The following RGPD2 variants were observed in gnomAD, a reference collection of about 807,000 sequenced individuals.
RGPD2 encodes the protein RANBP2 like and GRIP domain containing 2.
RGPD2 carries 2 observed loss-of-function variants against 36.0 expected under a neutral mutation model. That is an observed-to-expected ratio of 0.06 (90% CI 0.02 to 0.17). RGPD2 has a LOEUF of 0.17. RGPD2 is among the 10% of genes least tolerant of loss of function. RGPD2 has a pLI of 1.00. For missense variants in RGPD2, 40 were observed against 464.3 expected (o/e 0.09, Z 8.40); for synonymous variants, 19 against 163.8 (o/e 0.12, Z 6.75).
the RGPD2 span, among the ~76,000 whole-genome samples, chr2:87,964,815 A>T: frequency 1.5e-4 from 12 of 77,896 alleles, no homozygotes; most frequent in Middle Eastern, 6.8e-3. Context: ...TTATTTATTT[A>T]TTTTTCTTTT....
chr2:87,939,665 T>C, the RGPD2 span, among the ~76,000 whole-genome samples: 3 of 151,912 alleles, frequency 2.0e-5, no homozygotes, highest in South Asian at 2.1e-4. Flanking sequence ...CAATCTAATA[T>C]GACAGCGTAT....
chr2:87,921,805 A>G, the RGPD2 span, among the ~76,000 whole-genome samples: 3 of 152,170 alleles, frequency 2.0e-5, no homozygotes, highest in Admixed American at 2.0e-4. Context: ...GGGAGAATCT[A>G]GATGTAAAAT....
the RGPD2 span, chr2:87,972,702 C>G: frequency 1.3e-6 from 2 of 1,591,004 alleles, no homozygotes; most frequent in Non-Finnish European, 1.7e-6. Context: ...GCCTGGGGGG[C>G]ACTTCGGGCG....
At chr2:87,830,391 T>C (rs1317232702), upstream of RGPD2, among the ~76,000 whole-genome samples, 1 of 152,190 alleles carries the variant, frequency 6.6e-6, no homozygotes, top group East Asian at 1.9e-4. Context: ...CTGGATTTTA[T>C]TGTTCATTTC....
chr2:87,841,306 C>T, the RGPD2 span, among the ~76,000 whole-genome samples: 2 of 151,966 alleles, frequency 1.3e-5, no homozygotes, highest in African/African-American at 2.4e-5. Flanking sequence ...CCCTTGAGGC[C>T]GACTCTGAAG....
chr2:87,809,278 C>A (rs1329263164), intron 6 of RGPD2, among the ~76,000 whole-genome samples: 2 of 150,974 alleles, frequency 1.3e-5, no homozygotes, highest in African/African-American at 4.9e-5. Context: ...GCACTCCAGC[C>A]TGGGCAACAG....
At chr2:87,763,416 C>T (rs1366081156) in intron 22 of RGPD2, among the ~76,000 whole-genome samples, 1 of 139,952 alleles carries the variant, frequency 7.1e-6, no homozygotes, top group Admixed American at 7.2e-5. Flanking sequence ...CTCAGCCTCC[C>T]AAAGTGCTGG....
the RGPD2 span, among the ~76,000 whole-genome samples, chr2:87,942,545 G>A: frequency 6.7e-6 from 1 of 149,624 alleles, no homozygotes; most frequent in Non-Finnish European, 1.5e-5. Context: ...TGTATACAAT[G>A]TGTAATGATC....
Position 87,825,782 on chromosome 2 carries a change from G to A in RGPD2, c.-53C>T, listed in dbSNP as rs1686785286. 1.1e-5 allele frequency: 17 copies of A among 1,515,458 alleles called. No homozygotes were observed. The highest frequency in any genetic ancestry group is 1.8e-6 in the Non-Finnish European group (2 of 1,128,488). The allele number at this position is 1,515,458 out of a possible 1,614,324, so 93.9% of individuals were successfully genotyped here. On this transcript the variant is annotated 5_prime_UTR_variant, in exon 1 of 23. Coordinates refer to ENST00000398146, the MANE Select transcript of RGPD2 (RefSeq NM_001078170.3). ...CGTGAAACCAGCGCTCAGCCCCGCAGCAGTCGCCAATTCCAACAGGAAAGC... is the reference window on the plus strand; with the variant it reads ...CGTGAAACCAGCGCTCAGCCCCGCAACAGTCGCCAATTCCAACAGGAAAGC...
intron 7 of RGPD2, among the ~76,000 whole-genome samples, chr2:87,805,451 TCCCTCCCCAA>T: frequency 8.4e-6 from 1 of 119,254 alleles, no homozygotes; most frequent in Non-Finnish European, 1.8e-5. Context: ...TCCTTTTTTT[TCCCTCCCCAA>T]GCAAAAAATC....
At chr2:87,840,434 GT>G in the RGPD2 span, among the ~76,000 whole-genome samples, 1 of 150,700 alleles carries the variant, frequency 6.6e-6, no homozygotes, top group East Asian at 2.0e-4. Flanking sequence ...TAGCTGCACA[GT>G]TTGTGGTAAT....
At chr2:87,852,312 G>GTTTTTTT in the RGPD2 span, among the ~76,000 whole-genome samples, 1 of 129,374 alleles carries the variant, frequency 7.7e-6, no homozygotes. Flanking sequence ...TTTTGCAGTA[G>GTTTTTTT]TTGTGAGCAT....
At chr2:87,769,489 T>C (rs1685057747) in intron 22 of RGPD2, among the ~76,000 whole-genome samples, 1 of 149,012 alleles carries the variant, frequency 6.7e-6, no homozygotes, top group African/African-American at 2.4e-5. Flanking sequence ...GTGTATCTCC[T>C]CTATGAAATT....
the RGPD2 span, among the ~76,000 whole-genome samples, chr2:87,961,272 G>T: frequency 5.3e-5 from 8 of 152,268 alleles, no homozygotes; most frequent in African/African-American, 1.4e-4. Flanking sequence ...AGAGGAAAGC[G>T]CCTGAAAGCC....
At chr2:87,930,264 C>CT in the RGPD2 span, among the ~76,000 whole-genome samples, 1 of 136,916 alleles carries the variant, frequency 7.3e-6, no homozygotes, top group African/African-American at 2.8e-5. Context: ...TTTATTGAGA[C>CT]TTTTTAACAT....
the RGPD2 span, among the ~76,000 whole-genome samples, chr2:87,852,533 A>T: frequency 1.3e-5 from 2 of 152,224 alleles, no homozygotes; most frequent in African/African-American, 2.4e-5. Flanking sequence ...CAGACTTCCC[A>T]TTTATTGGAC....
upstream of RGPD2, among the ~76,000 whole-genome samples, chr2:87,830,148 G>C (rs1333864370): frequency 6.6e-6 from 1 of 151,144 alleles, no homozygotes; most frequent in East Asian, 2.0e-4. Flanking sequence ...GACCTCCTTT[G>C]ACTGAAGGTC....
At chr2:87,781,747 C>T (rs1685420493) in intron 20 of RGPD2, among the ~76,000 whole-genome samples, 1 of 145,920 alleles carries the variant, frequency 6.9e-6, no homozygotes, top group Non-Finnish European at 1.5e-5. Flanking sequence ...TAGGAGTGAG[C>T]CACCGTGCCC....
chr2:87,934,495 C>A, the RGPD2 span, among the ~76,000 whole-genome samples: 49,695 of 140,350 alleles, frequency 0.35, 9,702 homozygotes, highest in Non-Finnish European at 0.44. Context: ...TTACCACCAA[C>A]GGTTACATGG....
Sources: gnomAD v4.1 joint callset for allele counts (sites outside exome capture counted in the v4.1 genomes callset) on GRCh38, gnomAD v4.1.1 for gene constraint, MANE v1.5 for transcripts, NCBI Gene and HGNC (gene_info 2026-07-23, HGNC 2026-07-21) for gene names.